The following SGCZ variants were observed in gnomAD, a reference collection of about 807,000 sequenced individuals.
The protein encoded by SGCZ is sarcoglycan zeta.
SGCZ carries 40 observed loss-of-function variants against 41.3 expected under a neutral mutation model. The observed-to-expected ratio is 0.97, with a 90% CI of 0.75 to 1.26. The LOEUF is 1.26. Among genes scored for constraint, SGCZ ranks in the 50% most tolerant of loss-of-function variants. The pLI is 0.00. For missense variants in SGCZ, 552 were observed against 369.8 expected (o/e 1.49, Z -4.04); for synonymous variants, 206 against 137.5 (o/e 1.50, Z -3.49).
intron 1 of SGCZ, among the ~76,000 whole-genome samples, chr8:14,939,962 T>A (rs1427068401): frequency 6.6e-6 from 1 of 152,176 alleles, no homozygotes; most frequent in African/African-American, 2.4e-5. Context: ...CATTGAAACA[T>A]CTATTTCAAT....
intron 3 of SGCZ, among the ~76,000 whole-genome samples, chr8:14,240,256 A>G (rs1260573336): frequency 7.0e-6 from 1 of 142,724 alleles, no homozygotes; most frequent in Non-Finnish European, 1.5e-5. Flanking sequence ...TGAAGCTGGG[A>G]GGTGGAGGAT....
At chr8:15,209,681 C>G (rs1801179413) in intron 1 of SGCZ, among the ~76,000 whole-genome samples, 1 of 152,112 alleles carries the variant, frequency 6.6e-6, no homozygotes, top group Non-Finnish European at 1.5e-5. Flanking sequence ...TAGATATCAA[C>G]AGACAAAACA....
At chr8:14,675,812 C>G (rs896172303) in intron 1 of SGCZ, among the ~76,000 whole-genome samples, 1 of 152,152 alleles carries the variant, frequency 6.6e-6, no homozygotes, top group Non-Finnish European at 1.5e-5. Context: ...AAGATGAGCT[C>G]ATTGCATGGA....
chr8:15,108,229 T>C (rs1806907787), intron 1 of SGCZ, among the ~76,000 whole-genome samples: 1 of 152,238 alleles, frequency 6.6e-6, no homozygotes, highest in African/African-American at 2.4e-5. Context: ...TTAAATTCTC[T>C]TGAAATTAGT....
intron 3 of SGCZ, among the ~76,000 whole-genome samples, chr8:14,256,928 G>A (rs185124262): frequency 2.8e-4 from 42 of 152,220 alleles, no homozygotes; most frequent in African/African-American, 6.0e-4. Context: ...TGAGTTAGAC[G>A]TATATAATAG....
intron 3 of SGCZ, among the ~76,000 whole-genome samples, chr8:14,277,136 C>T (rs749084526): frequency 3.9e-4 from 59 of 152,128 alleles, no homozygotes; most frequent in Non-Finnish European, 1.5e-4. Context: ...TTCTGGTTTC[C>T]TCTCACATAT....
intron 2 of SGCZ, among the ~76,000 whole-genome samples, chr8:14,537,846 T>A (rs1803343782): frequency 6.6e-6 from 1 of 151,914 alleles, no homozygotes; most frequent in African/African-American, 2.4e-5. Context: ...AAGTGTGAAT[T>A]CCATATCCTT....
intron 1 of SGCZ, among the ~76,000 whole-genome samples, chr8:15,076,051 G>A (rs1020229340): frequency 6.6e-6 from 1 of 152,086 alleles, no homozygotes; most frequent in Non-Finnish European, 1.5e-5. Flanking sequence ...GCTTCTAATA[G>A]ATACTTAAAA....
chr8:14,497,586 G>C (rs987489145), intron 2 of SGCZ, among the ~76,000 whole-genome samples: 1 of 152,034 alleles, frequency 6.6e-6, no homozygotes, highest in Non-Finnish European at 1.5e-5. Context: ...GTCTGTGTGT[G>C]TGTGTGTGAG....
chr8:14,958,339 A>G (rs1031591180), intron 1 of SGCZ, among the ~76,000 whole-genome samples: 10 of 152,104 alleles, frequency 6.6e-5, no homozygotes, highest in African/African-American at 2.4e-4. Context: ...ACAGAAACAA[A>G]TGAAATGTTG....
At chr8:15,135,727 G>A (rs1048187232) in intron 1 of SGCZ, among the ~76,000 whole-genome samples, 4 of 151,836 alleles carry the variant, frequency 2.6e-5, no homozygotes, top group African/African-American at 9.7e-5. Context: ...CCCAGAACTG[G>A]GGCTTGGCCT....
intron 5 of SGCZ, among the ~76,000 whole-genome samples, chr8:14,119,911 C>T (rs1802646880): frequency 6.6e-6 from 1 of 152,084 alleles, no homozygotes; most frequent in Non-Finnish European, 1.5e-5. Flanking sequence ...AGGGATGAAG[C>T]CCACTTGATT....
chr8:14,471,279 C>T (rs1300953299), intron 2 of SGCZ, among the ~76,000 whole-genome samples: 2 of 152,074 alleles, frequency 1.3e-5, no homozygotes, highest in East Asian at 1.9e-4. Flanking sequence ...CTCATTATCA[C>T]ATAATAGTGA....
At chr8:14,285,487 G>C (rs10503492) in intron 3 of SGCZ, among the ~76,000 whole-genome samples, 32,442 of 151,962 alleles carry the variant, frequency 0.21, 3,655 homozygotes, top group East Asian at 0.3. Context: ...AGGAACCATA[G>C]ACAGAAGAGT....
At chr8:15,215,350 A>T (rs2117170056) in intron 1 of SGCZ, among the ~76,000 whole-genome samples, 1 of 152,292 alleles carries the variant, frequency 6.6e-6, no homozygotes, top group African/African-American at 2.4e-5. Context: ...AGAAGAAAAA[A>T]CCTTTCAGAA....
chr8:14,261,206 C>T (rs1799655435), intron 3 of SGCZ, among the ~76,000 whole-genome samples: 1 of 152,144 alleles, frequency 6.6e-6, no homozygotes. Flanking sequence ...TTTCCCTTGC[C>T]TCTTTTGCTA....
chr8:14,881,496 C>T (rs1804588501), intron 1 of SGCZ, among the ~76,000 whole-genome samples: 1 of 152,098 alleles, frequency 6.6e-6, no homozygotes, highest in African/African-American at 2.4e-5. Flanking sequence ...AGCAGAGGGA[C>T]AGGGACAGCA....
chr8:15,037,162 T>C (rs894679728), intron 1 of SGCZ, among the ~76,000 whole-genome samples: 7 of 152,150 alleles, frequency 4.6e-5, no homozygotes. Flanking sequence ...TCATGAATTG[T>C]AGTCTCCATG....
At chr8:15,129,114 ATCT>A (rs1005236925) in intron 1 of SGCZ, among the ~76,000 whole-genome samples, 1 of 152,184 alleles carries the variant, frequency 6.6e-6, no homozygotes, top group African/African-American at 2.4e-5. Context: ...CAAATAAAGT[ATCT>A]TCTTCTTTCA....
Sources: gnomAD v4.1 joint callset for allele counts (sites outside exome capture counted in the v4.1 genomes callset) on GRCh38, gnomAD v4.1.1 for gene constraint, MANE v1.5 for transcripts, NCBI Gene and HGNC (gene_info 2026-07-23, HGNC 2026-07-21) for gene names.